Variants in ARHGAP44 observed in about 807,000 individuals in gnomAD.
ARHGAP44 encodes the protein Rho GTPase activating protein 44, also known as rho GTPase-activating protein 44.
In ARHGAP44, 43 loss-of-function variants were observed where a neutral mutation model predicts 106.8. That is an observed-to-expected ratio of 0.40 (90% CI 0.32 to 0.52). The LOEUF (loss-of-function observed/expected upper bound fraction) is 0.52. Among genes scored for constraint, ARHGAP44 ranks in the 20% least tolerant of loss-of-function variants. The probability of loss-of-function intolerance (pLI) is 0.48; values close to 1 mark genes in which losing one functional copy is unlikely to be tolerated. For missense variants in ARHGAP44, 866 were observed against 1,050.5 expected (o/e 0.82, Z 2.43); for synonymous variants, 439 against 410.3 (o/e 1.07, Z -0.85).
intron 4 of ARHGAP44, among the ~76,000 whole-genome samples, chr17:12,910,325 G>A (rs969688428): frequency 1.3e-5 from 2 of 148,850 alleles, no homozygotes; most frequent in Non-Finnish European, 3.0e-5. Flanking sequence ...CTGAAAGTTA[G>A]ATTGACAAAA....
chr17:12,949,563 TGGAACCCACATAG>T lies in ARHGAP44; in HGVS notation c.974-84_974-72del, dbSNP rs1337809277. The T allele has an allele frequency of 1.6e-5, 21 of 1,295,948 alleles. No homozygotes were observed. Among genetic ancestry groups the T allele is most frequent in the Non-Finnish European group, 2.0e-5 (18 of 912,638 alleles). 80.3% of individuals were successfully genotyped at this position (1,295,948 alleles called of 1,614,324 possible). On this transcript the variant is annotated intron_variant, in intron 11 of 20. Transcript: ENST00000379672. This position sits in a 1 kb window ranked among gnomAD's most constrained non-coding sequence, Gnocchi z 4.1. ...GGTGGTCAGGAGGCCCATCCCCAGA[TGGAACCCACATAG>T]GCAGTGCTGGCTGGTGGGTCTTGCC...
intron 10 of ARHGAP44, among the ~76,000 whole-genome samples, chr17:12,945,601 A>G (rs1363727147): frequency 6.6e-6 from 1 of 152,182 alleles, no homozygotes; most frequent in Non-Finnish European, 1.5e-5. Flanking sequence ...GCACTAAGTT[A>G]TATGGGACAA....
chr17:12,797,558 A>G (rs2033961841), intron 1 of ARHGAP44, among the ~76,000 whole-genome samples: 1 of 152,132 alleles, frequency 6.6e-6, no homozygotes, highest in Admixed American at 6.5e-5. Context: ...GACCCCGTCC[A>G]TTGGGTGGGA....
At chr17:12,941,524 A>G (rs1337809776) in intron 8 of ARHGAP44, among the ~76,000 whole-genome samples, 2 of 152,290 alleles carry the variant, frequency 1.3e-5, no homozygotes, top group Non-Finnish European at 1.5e-5. Context: ...CCAATGAATT[A>G]TCCAGTCCAA....
intron 16 of ARHGAP44, among the ~76,000 whole-genome samples, chr17:12,966,145 CA>C (rs537797616): frequency 1.9e-3 from 259 of 134,776 alleles, no homozygotes; most frequent in African/African-American, 7.6e-3. Flanking sequence ...GACATAGTGA[CA>C]CGCTGTCTCA....
chr17:12,935,835 A>C lies in ARHGAP44; in HGVS notation c.583-5221A>C, dbSNP rs73978278. ...CAAAAAGAATGAAAGAAAAGATGGC[A>C]GATGTTGAAGATAATGGAAAACCAA... On this transcript the variant is annotated intron_variant, in intron 7 of 20. Transcript: ENST00000379672. Among the ~76,000 whole-genome samples the C allele has an allele frequency of 3.7e-3, 564 of 152,296 alleles. 3 individuals are homozygous for C. The highest frequency in any genetic ancestry group is 0.013 in the African/African-American group (540 of 41,548).
chr17:12,850,565 T>A (rs2035710670), intron 1 of ARHGAP44, among the ~76,000 whole-genome samples: 1 of 151,744 alleles, frequency 6.6e-6, no homozygotes, highest in African/African-American at 2.4e-5. Flanking sequence ...GGCCTCCACA[T>A]CACCATGGGG....
intron 3 of ARHGAP44, among the ~76,000 whole-genome samples, chr17:12,904,219 G>A: frequency 6.6e-6 from 1 of 152,080 alleles, no homozygotes; most frequent in East Asian, 1.9e-4. Context: ...CGATTCTCCT[G>A]CCTCAGCCTC....
intron 16 of ARHGAP44, 153 bp downstream of exon 16, chr17:12,959,050 T>C: frequency 3.2e-6 from 3 of 931,384 alleles, no homozygotes; most frequent in Non-Finnish European, 4.9e-6. Flanking sequence ...CTGCTGTGTC[T>C]GGGATGAGTT....
At position 12,848,712 on chromosome 17, in the gene ARHGAP44, G is replaced by A. The variant is rs114336530; in HGVS notation, c.54-46228G>A. Among the ~76,000 whole-genome samples, 601 of 152,152 alleles carry A rather than the reference G, an allele frequency of 4.0e-3. 7 individuals are homozygous for A. The highest frequency in any genetic ancestry group is 0.014 in the African/African-American group (582 of 41,512). ...TGCAGGGACTCTTTCTTTTTGGACAGTATCATACATTCCTGGAAGGAACTA... is the reference window on the plus strand; with the variant it reads ...TGCAGGGACTCTTTCTTTTTGGACAATATCATACATTCCTGGAAGGAACTA... On this transcript the variant is annotated intron_variant, in intron 1 of 20. Transcript: ENST00000379672.
intron 1 of ARHGAP44, among the ~76,000 whole-genome samples, chr17:12,794,236 G>T (rs2033851937): frequency 6.6e-6 from 1 of 152,138 alleles, no homozygotes; most frequent in Non-Finnish European, 1.5e-5. Context: ...GCACCCACGA[G>T]ACCCACTAAG....
chr17:12,962,097 AT>A (rs1359207528), intron 16 of ARHGAP44, among the ~76,000 whole-genome samples: 1 of 151,176 alleles, frequency 6.6e-6, no homozygotes, highest in East Asian at 1.9e-4. Flanking sequence ...ATATATATGA[AT>A]TATATATCAA....
chr17:12,979,796 A>G lies in ARHGAP44; in HGVS notation c.1764-262A>G, dbSNP rs189040054. 1.1e-4 allele frequency among the ~76,000 whole-genome samples: 17 copies of G among 152,266 alleles called. No individual in the cohort carries two copies. The South Asian group carries it at 2.9e-3, about 26-fold the overall frequency. Reference sequence around the variant, plus strand: ...TGCTCACGGTCTCCTTGAAGAGAGGAGGGCAGAGGCATGAAAAGGGCATTG... The same window carrying G: ...TGCTCACGGTCTCCTTGAAGAGAGGGGGGCAGAGGCATGAAAAGGGCATTG... On this transcript the variant is annotated intron_variant, in intron 18 of 20. Transcript: ENST00000379672.
chr17:12,945,109 C>T (rs2038818156), intron 10 of ARHGAP44, among the ~76,000 whole-genome samples: 1 of 151,868 alleles, frequency 6.6e-6, no homozygotes, highest in African/African-American at 2.4e-5. Flanking sequence ...CTCCTGGGTT[C>T]AAGCGATTCT....
chr17:12,986,978 CAT>C, intron 20 of ARHGAP44: 1 of 872,206 alleles, frequency 1.1e-6, no homozygotes, highest in Non-Finnish European at 1.7e-6. Context: ...TAGAATCCAT[CAT>C]GGTTTGATGT....
chr17:12,802,753 CTTTTTTT>C (rs869172678), intron 1 of ARHGAP44, among the ~76,000 whole-genome samples: 4,275 of 108,586 alleles, frequency 0.039, 85 homozygotes, highest in African/African-American at 0.064. Context: ...TTTTTTATTT[CTTTTTTT>C]TTTTTTTTTT....
At chr17:12,908,431 A>G (rs2037629133) in intron 3 of ARHGAP44, among the ~76,000 whole-genome samples, 1 of 152,110 alleles carries the variant, frequency 6.6e-6, no homozygotes, top group African/African-American at 2.4e-5. Context: ...TCCTGACCTC[A>G]GGTGATCCAC....
In ARHGAP44 at chr17:12,949,166, C is replaced by T. The variant is rs1477402359; in HGVS notation, c.888C>T (p.Ala296=). The T allele has an allele frequency of 1.3e-6, 2 of 1,578,834 alleles. No individual in the cohort carries two copies. Among genetic ancestry groups the T allele is most frequent in the East Asian group, 2.3e-5 (1 of 42,718 alleles). ...GACTCTTCCGAGTAGCCCCCTCTGC[C>T]TCCAAACTGAAGAAGCTGAAAGCGG... ...EEGLFRVAPS[A]SKLKKLKAAL... Residue 296 remains alanine (A), a synonymous_variant, in exon 11 of 21, where the codon GCC becomes GCT. Transcript: ENST00000379672. The surrounding 1 kb of genome is among the most constrained non-coding windows in gnomAD (Gnocchi z 4.1).
At chr17:12,882,132 A>T (rs538626739) in intron 1 of ARHGAP44, among the ~76,000 whole-genome samples, 1 of 152,278 alleles carries the variant, frequency 6.6e-6, no homozygotes, top group South Asian at 2.1e-4. Context: ...TCATATATAC[A>T]CTGTATCTCT....
Sources: gnomAD v4.1 joint callset for allele counts (sites outside exome capture counted in the v4.1 genomes callset) on GRCh38, gnomAD v4.1.1 for gene constraint, Gnocchi (gnomAD v3.1) non-coding constraint, MANE v1.5 for transcripts, NCBI Gene and HGNC (gene_info 2026-07-23, HGNC 2026-07-21) for gene names.